Variants in HGF observed in about 807,000 individuals in gnomAD.
HGF encodes the protein hepatocyte growth factor, also known as fibroblast-derived tumor cytotoxic factor.
Under a neutral mutation model 111.6 loss-of-function variants are expected in HGF, and 39 were observed. The ratio of observed to expected loss-of-function variants is 0.35; its 90% CI spans 0.27 to 0.46. The LOEUF is 0.46. HGF is among the 20% of genes least tolerant of loss of function. HGF has a pLI of 1.00. For missense variants in HGF, 735 were observed against 910.5 expected, an observed-to-expected ratio of 0.81 and a Z score of 2.48; for synonymous variants, 285 against 294.8, an observed-to-expected ratio of 0.97 and a Z score of 0.34.
chr7:81,739,587 A>G (rs1440665588), intron 7 of HGF, among the ~76,000 whole-genome samples: 1 of 152,080 alleles, frequency 6.6e-6, no homozygotes, highest in African/African-American at 2.4e-5. Context: ...GCAATGAGCT[A>G]CAGTAAAATT....
intron 4 of HGF, chr7:81,756,148 T>A: frequency 3.0e-6 from 2 of 656,034 alleles, no homozygotes; most frequent in Non-Finnish European, 5.5e-6. Flanking sequence ...GGTTATAGAG[T>A]GATGGTGACT....
intron 7 of HGF, among the ~76,000 whole-genome samples, chr7:81,730,558 A>T (rs1787615175): frequency 3.3e-5 from 5 of 152,222 alleles, no homozygotes. Context: ...TCCTAGGAAG[A>T]TCTATCTCCT....
chr7:81,765,326 C>T (rs1789303651), intron 1 of HGF, among the ~76,000 whole-genome samples: 1 of 152,110 alleles, frequency 6.6e-6, no homozygotes, highest in African/African-American at 2.4e-5. Context: ...AATTGTCCTA[C>T]TGAAATGTGT....
chr7:81,716,189 A>G (rs5745730), intron 11 of HGF, among the ~76,000 whole-genome samples: 3,089 of 152,276 alleles, frequency 0.02, 40 homozygotes, highest in Non-Finnish European at 0.034. Context: ...GACTTGGGGC[A>G]GGTGTCATGC....
intron 10 of HGF, among the ~76,000 whole-genome samples, chr7:81,719,526 C>A (rs5745710): frequency 3.3e-5 from 5 of 151,964 alleles, no homozygotes; most frequent in African/African-American, 9.7e-5. Context: ...GAATATGGAG[C>A]ATGAGAATAT....
intron 15 of HGF, among the ~76,000 whole-genome samples, 193 bp from the exon 16 acceptor site, chr7:81,705,946 T>A (rs1330560416): frequency 2.6e-5 from 4 of 151,724 alleles, no homozygotes; most frequent in African/African-American, 9.7e-5. Flanking sequence ...AAATGAGTCA[T>A]GTATTTGCCA....
intron 11 of HGF, among the ~76,000 whole-genome samples, chr7:81,712,068 A>G (rs1789585560): frequency 6.6e-6 from 1 of 152,142 alleles, no homozygotes; most frequent in African/African-American, 2.4e-5. Flanking sequence ...ATATGAGCAG[A>G]GCCCTATTTT....
intron 5 of HGF, 198 bp downstream of exon 5, chr7:81,751,922 G>A (rs1263677287): frequency 2.8e-6 from 4 of 1,403,628 alleles, no homozygotes; most frequent in East Asian, 2.6e-5. Context: ...AACTCGCTCT[G>A]TTATTTTGCA....
intron 9 of HGF, among the ~76,000 whole-genome samples, chr7:81,723,253 G>T (rs10280860): frequency 0.058 from 8,840 of 152,110 alleles, 847 homozygotes; most frequent in African/African-American, 0.2. Context: ...AAATGGAATG[G>T]CATGGAAGCA....
At chr7:81,739,123 A>T (rs998158006) in intron 7 of HGF, among the ~76,000 whole-genome samples, 5 of 152,088 alleles carry the variant, frequency 3.3e-5, no homozygotes, top group Admixed American at 3.3e-4. Flanking sequence ...TATGTCATCT[A>T]CCCAATAATT....
chr7:81,743,426 A>G lies in HGF; in HGVS notation c.792T>C (p.Asp264=), dbSNP rs1447708064. ...GFDDNYCRNP[D]GQPRPWCYTL... Reference sequence around the variant, plus strand: ...TATAGCACCATGGCCTCGGCTGGCCATCGGGATTGCGGCAATAATTATCAT... The same window carrying G: ...TATAGCACCATGGCCTCGGCTGGCCGTCGGGATTGCGGCAATAATTATCAT... Residue 264 remains aspartate (D), a synonymous_variant, in exon 7 of 18, where the codon GAT becomes GAC. Coordinates refer to ENST00000222390, the MANE Select transcript of HGF (RefSeq NM_000601.6). The G allele has an allele frequency of 2.5e-6, 4 of 1,613,912 alleles. No homozygotes were observed. Among genetic ancestry groups the G allele is most frequent in the Middle Eastern group, 3.3e-4 (2 of 6,062 alleles).
chr7:81,736,368 A>G (rs1324938142), intron 7 of HGF, among the ~76,000 whole-genome samples: 1 of 152,046 alleles, frequency 6.6e-6, no homozygotes, highest in African/African-American at 2.4e-5. Context: ...GATCAGGTCA[A>G]CGGTCATAGT....
In HGF at chr7:81,699,291, A is replaced by G. The variant is rs1789220589; in HGVS notation, c.*3290T>C. 1 of 151,556 alleles carries G rather than the reference A, an allele frequency of 6.6e-6. No homozygotes were observed. The highest frequency in any genetic ancestry group is 2.4e-5 in the African/African-American group (1 of 41,402). 9.4% of individuals were successfully genotyped at this position (151,556 alleles called of 1,614,324 possible). On this transcript the variant is annotated 3_prime_UTR_variant, in exon 18 of 18. Transcript: ENST00000222390. Reference sequence around the variant, plus strand: ...CTTAAAAGTTACACTGTCAAGATATATATGGTCCAAAAAATTTTAACTTTT... The same window carrying G: ...CTTAAAAGTTACACTGTCAAGATATGTATGGTCCAAAAAATTTTAACTTTT...
intron 11 of HGF, among the ~76,000 whole-genome samples, chr7:81,712,546 A>G (rs725349): frequency 0.74 from 112,995 of 152,118 alleles, 42,805 homozygotes; most frequent in Middle Eastern, 0.88. Context: ...CTACTTTTTC[A>G]TCTCTACTGG....
chr7:81,739,744 T>A (rs758332502), intron 7 of HGF, among the ~76,000 whole-genome samples: 3 of 151,976 alleles, frequency 2.0e-5, no homozygotes, highest in Non-Finnish European at 4.4e-5. Flanking sequence ...CCTTAAGCAA[T>A]CTATGCCCAA....
At chr7:81,752,305 CT>C (rs767807298) in intron 4 of HGF, 43 bp from the exon 5 acceptor site, 60 of 1,567,574 alleles carry the variant, frequency 3.8e-5, no homozygotes, top group Middle Eastern at 3.4e-4. Context: ...GAGCATGCAA[CT>C]TTTTTTTGCC....
Position 81,722,277 on chromosome 7 carries a change from C to T in HGF, c.1169-1430G>A, listed in dbSNP as rs372159646. ...TAATTGAGCAATTTGTGTTCTCCTG[C>T]CTTAGCCTCCTGTGTAGCTGGGATT... On this transcript the variant is annotated intron_variant, in intron 9 of 17. Coordinates refer to ENST00000222390, the MANE Select transcript of HGF (RefSeq NM_000601.6). Among the ~76,000 whole-genome samples the T allele has an allele frequency of 2.6e-5, 4 of 151,808 alleles. No individual in the cohort carries two copies. The East Asian group carries it at 7.9e-4, about 30-fold the overall frequency.
At chr7:81,751,675 G>T in intron 5 of HGF, 1 of 1,011,140 alleles carries the variant, frequency 9.9e-7, no homozygotes, top group Non-Finnish European at 1.2e-6. Flanking sequence ...TTATCTTCTG[G>T]GTCCATATAC....
rs144838638 is a variant in HGF at position 81,753,686 on chromosome 7, T to A, written c.483-1424A>T. On this transcript the variant is annotated intron_variant, in intron 4 of 17. Coordinates refer to ENST00000222390, the MANE Select transcript of HGF (RefSeq NM_000601.6). ...ACAAATAGTGTAAGAGACTTATTAC[T>A]AACTAAACATTTTCAGGGAACCAGT... Among the ~76,000 whole-genome samples the A allele has an allele frequency of 6.6e-5, 10 of 152,186 alleles. No homozygotes were observed. In the East Asian group the frequency reaches 1.9e-3, roughly 29 times the overall value.
Sources: gnomAD v4.1 joint callset for allele counts (sites outside exome capture counted in the v4.1 genomes callset) on GRCh38, gnomAD v4.1.1 for gene constraint, MANE v1.5 for transcripts, NCBI Gene and HGNC (gene_info 2026-07-23, HGNC 2026-07-21) for gene names.